ANGPT1: variants seen among roughly 807,000 people sequenced by gnomAD.
ANGPT1 encodes the protein angiopoietin 1.
Under a neutral mutation model 62.2 loss-of-function variants are expected in ANGPT1, and 17 were observed. The ratio of observed to expected loss-of-function variants is 0.27; its 90% CI spans 0.19 to 0.41. ANGPT1 has a LOEUF of 0.41. ANGPT1 is among the 10% of genes least tolerant of loss of function. ANGPT1 has a pLI of 1.00. For synonymous variants in ANGPT1, 199 were observed against 198.9 expected (o/e 1.00, Z 0.00); for missense variants, 478 against 594.9 (o/e 0.80, Z 2.04).
chr8:107,454,537 T>C (rs1243113086), intron 1 of ANGPT1, among the ~76,000 whole-genome samples: 2 of 152,090 alleles, frequency 1.3e-5, no homozygotes. Flanking sequence ...TCTATACATG[T>C]CTTCCTACAT....
chr8:107,487,934 T>C (rs1812856042), intron 1 of ANGPT1, among the ~76,000 whole-genome samples: 1 of 152,194 alleles, frequency 6.6e-6, no homozygotes, highest in African/African-American at 2.4e-5. Context: ...CAATGAATTC[T>C]GCTTGAAGTG....
At chr8:107,403,621 C>T (rs1289172284) in intron 1 of ANGPT1, among the ~76,000 whole-genome samples, 3 of 152,114 alleles carry the variant, frequency 2.0e-5, no homozygotes, top group African/African-American at 7.2e-5. Context: ...AAAATGCTAA[C>T]ACCTGTCTCT....
In ANGPT1 at chr8:107,370,372, G is replaced by GAAAGAAAA. The variant is rs1816373779; in HGVS notation, c.298-23276_298-23275insTTTTCTTT. 5.7e-5 allele frequency among the ~76,000 whole-genome samples: 2 copies of GAAAGAAAA among 34,994 alleles called. 1 individual carries two copies. Among genetic ancestry groups the GAAAGAAAA allele is most frequent in the Non-Finnish European group, 2.1e-4 (2 of 9,650 alleles). The allele number at this position is 34,994 out of a possible 152,430, so 23.0% of individuals were successfully genotyped here. A position where few individuals can be genotyped will look rare whatever the true frequency, so the allele number is the denominator to read the frequency against. On this transcript the variant is annotated intron_variant, in intron 1 of 8. Transcript: ENST00000517746. ...AGAAAGAAAGAAAGAAAGAAAGAAAGAAAGAAAGAAAGAAAGAAAGAAAGA... is the reference window on the plus strand; with the variant it reads ...AGAAAGAAAGAAAGAAAGAAAGAAAGAAAGAAAAAAAGAAAGAAAGAAAGAAAGAAAGA...
intron 1 of ANGPT1, among the ~76,000 whole-genome samples, chr8:107,425,533 A>G (rs1287990151): frequency 6.6e-6 from 1 of 152,182 alleles, no homozygotes; most frequent in Non-Finnish European, 1.5e-5. Context: ...TTGCTTTTCT[A>G]GATAACATCA....
intron 1 of ANGPT1, among the ~76,000 whole-genome samples, chr8:107,452,594 A>T (rs73313669): frequency 0.038 from 5,794 of 151,996 alleles, 394 homozygotes; most frequent in African/African-American, 0.13. Context: ...AAATATTAAA[A>T]GTTCCTCCCC....
At chr8:107,431,836 C>A (rs1266776515) in intron 1 of ANGPT1, among the ~76,000 whole-genome samples, 1 of 151,994 alleles carries the variant, frequency 6.6e-6, no homozygotes, top group Non-Finnish European at 1.5e-5. Context: ...TGCAGATGAC[C>A]CAGTGGTTTA....
intron 1 of ANGPT1, among the ~76,000 whole-genome samples, chr8:107,470,363 T>G (rs1307466517): frequency 4.6e-5 from 7 of 152,110 alleles, no homozygotes; most frequent in Admixed American, 4.6e-4. Flanking sequence ...GTTAAGTATG[T>G]GCTGTTGGCA....
chr8:107,252,468 T>C (rs1813267989), intron 8 of ANGPT1, among the ~76,000 whole-genome samples: 4 of 152,174 alleles, frequency 2.6e-5, no homozygotes. Context: ...GCAACTGAGA[T>C]CTAAATAGAA....
chr8:107,451,099 G>A (rs1811766985), intron 1 of ANGPT1, among the ~76,000 whole-genome samples: 1 of 151,714 alleles, frequency 6.6e-6, no homozygotes, highest in Admixed American at 6.6e-5. Context: ...CACGGCCAGA[G>A]AAAGTGGCTT....
chr8:107,424,398 A>G (rs1281303854), intron 1 of ANGPT1, among the ~76,000 whole-genome samples: 1 of 152,220 alleles, frequency 6.6e-6, no homozygotes, highest in Admixed American at 6.5e-5. Flanking sequence ...CTAATTTTGA[A>G]CTAAGAAGAC....
chr8:107,368,086 T>C (rs935161156), intron 1 of ANGPT1, among the ~76,000 whole-genome samples: 2 of 152,212 alleles, frequency 1.3e-5, no homozygotes, highest in Admixed American at 6.5e-5. Flanking sequence ...GGAATCATTG[T>C]CTATGGCAGC....
intron 6 of ANGPT1, among the ~76,000 whole-genome samples, chr8:107,285,620 GGTT>G (rs1814120913): frequency 6.6e-6 from 1 of 152,030 alleles, no homozygotes; most frequent in Admixed American, 6.6e-5. Flanking sequence ...GGGAAGTCAA[GGTT>G]GTTAAGTATT....
intron 1 of ANGPT1, among the ~76,000 whole-genome samples, chr8:107,464,593 GAGCT>G (rs1482317937): frequency 5.3e-5 from 8 of 151,932 alleles, no homozygotes; most frequent in African/African-American, 1.5e-4. Context: ...TAATTGTCAA[GAGCT>G]CAGCCTCTAG....
At chr8:107,466,990 C>T (rs555479400) in intron 1 of ANGPT1, among the ~76,000 whole-genome samples, 1 of 152,148 alleles carries the variant, frequency 6.6e-6, no homozygotes, top group African/African-American at 2.4e-5. Context: ...TTAGGACTTC[C>T]TTCCCTCTTG....
intron 1 of ANGPT1, among the ~76,000 whole-genome samples, chr8:107,478,777 T>A (rs1157412): frequency 0.67 from 101,652 of 151,524 alleles, 34,264 homozygotes; most frequent in East Asian, 0.79. Flanking sequence ...TCAGTGCTAT[T>A]ACATACATAC....
chr8:107,396,932 C>T (rs552648178), intron 1 of ANGPT1, among the ~76,000 whole-genome samples: 5 of 152,026 alleles, frequency 3.3e-5, no homozygotes, highest in Non-Finnish European at 7.4e-5. Flanking sequence ...ACTTCAGCAA[C>T]TCTCCTTTCT....
At chr8:107,390,587 C>A (rs1816816046) in intron 1 of ANGPT1, among the ~76,000 whole-genome samples, 1 of 152,072 alleles carries the variant, frequency 6.6e-6, no homozygotes, top group Admixed American at 6.6e-5. Flanking sequence ...CAGAATGAAT[C>A]CTCAAAGAAT....
At chr8:107,335,575 C>T (rs1815539807) in intron 3 of ANGPT1, among the ~76,000 whole-genome samples, 1 of 152,166 alleles carries the variant, frequency 6.6e-6, no homozygotes, top group Admixed American at 6.5e-5. Flanking sequence ...GTGATGACAT[C>T]TATAAAGCTA....
At chr8:107,433,234 C>G (rs1444403709) in intron 1 of ANGPT1, among the ~76,000 whole-genome samples, 1 of 152,062 alleles carries the variant, frequency 6.6e-6, no homozygotes, top group Non-Finnish European at 1.5e-5. Context: ...GTAGAGAAGA[C>G]CAGCTAGAAG....
Sources: allele counts gnomAD v4.1 joint callset (sites outside exome capture counted in the v4.1 genomes callset), GRCh38; gene constraint gnomAD v4.1.1; transcripts MANE v1.5; gene names NCBI Gene and HGNC (gene_info 2026-07-23, HGNC 2026-07-21).